The following SLF1 variants were observed in gnomAD, a reference collection of about 807,000 sequenced individuals.
The protein encoded by SLF1 is SMC5-SMC6 complex localization factor protein 1.
Under a neutral mutation model 123.0 loss-of-function variants are expected in SLF1, and 105 were observed. The observed-to-expected ratio is 0.85, with a 90% CI of 0.73 to 1.00. The LOEUF (loss-of-function observed/expected upper bound fraction) is 1.00, where lower values mean the gene tolerates loss of function less well. SLF1 is among the 50% of genes least tolerant of loss of function. The pLI is 0.00. For missense variants in SLF1, 1,239 were observed against 1,223.0 expected (o/e 1.01, Z -0.20); for synonymous variants, 434 against 406.6 (o/e 1.07, Z -0.81).
At chr5:94,625,944 G>A (rs1408635024) in intron 1 of SLF1, among the ~76,000 whole-genome samples, 2 of 151,974 alleles carry the variant, frequency 1.3e-5, no homozygotes, top group Non-Finnish European at 2.9e-5. Context: ...ATTAACCCAT[G>A]TAAATGGTTT....
intron 1 of SLF1, among the ~76,000 whole-genome samples, chr5:94,622,129 T>G (rs1791855403): frequency 6.6e-6 from 1 of 152,260 alleles, no homozygotes. Flanking sequence ...TGTGTCTACC[T>G]TTTGCAATAT....
chr5:94,684,738 G>T (rs1752221016), intron 15 of SLF1, among the ~76,000 whole-genome samples: 2 of 149,602 alleles, frequency 1.3e-5, no homozygotes, highest in Admixed American at 6.6e-5. Context: ...CTCTGTAGAG[G>T]CCATATTGGA....
intron 5 of SLF1, among the ~76,000 whole-genome samples, chr5:94,646,677 T>C (rs763782913): frequency 1.6e-4 from 24 of 152,120 alleles, no homozygotes; most frequent in Admixed American, 2.0e-4. Flanking sequence ...AGCAGTCTTA[T>C]GGGAATATAT....
chr5:94,642,714 G>T (rs1746580581), intron 4 of SLF1, among the ~76,000 whole-genome samples: 1 of 152,122 alleles, frequency 6.6e-6, no homozygotes, highest in South Asian at 2.1e-4. Context: ...TGTCTCCCTT[G>T]TGTGTGTCTT....
At chr5:94,693,748 T>C (rs1753281400) in intron 20 of SLF1, among the ~76,000 whole-genome samples, 1 of 151,626 alleles carries the variant, frequency 6.6e-6, no homozygotes, top group South Asian at 2.1e-4. Context: ...GTGTCCGTAA[T>C]TTTGTCTTTT....
At chr5:94,687,509 C>G (rs980788181) in intron 16 of SLF1, among the ~76,000 whole-genome samples, 4 of 152,000 alleles carry the variant, frequency 2.6e-5, no homozygotes, top group Admixed American at 6.6e-5. Flanking sequence ...CCAGCCTGGG[C>G]AACATAGCAA....
chr5:94,670,206 A>C lies in SLF1; in HGVS notation c.1588A>C (p.Lys530Gln). ...CHQISENIGS[K>Q]VLHLTLLKFF... is the part of the protein sequence containing the mutation. ...TCAAATTTCAGAAAATATTGGCTCC[A>C]AGGTGCTCCACCTGACGCTACTCAA... Residue 530 changes from lysine to glutamine, a missense_variant, in exon 13 of 21, where the codon AAG becomes CAG. Lys to Gln is a moderately conservative substitution (Grantham distance 53). Transcript: ENST00000265140. 6.5e-7 allele frequency: 1 copy of C among 1,535,132 alleles called. No homozygotes were observed. Among genetic ancestry groups the C allele is most frequent in the Non-Finnish European group, 8.8e-7 (1 of 1,141,184 alleles).
At chr5:94,680,791 G>T (rs1349508955) in intron 15 of SLF1, among the ~76,000 whole-genome samples, 2 of 152,252 alleles carry the variant, frequency 1.3e-5, no homozygotes, top group East Asian at 3.9e-4. Flanking sequence ...TCGCTTTAAA[G>T]CAGGACATTG....
At chr5:94,667,210 AAG>A (rs1176055871) in intron 12 of SLF1, among the ~76,000 whole-genome samples, 1 of 152,144 alleles carries the variant, frequency 6.6e-6, no homozygotes, top group Non-Finnish European at 1.5e-5. Flanking sequence ...AGGGATTAAA[AAG>A]ATGATTTAAA....
At chr5:94,675,122 C>T (rs531876919) in intron 14 of SLF1, among the ~76,000 whole-genome samples, 54 of 152,266 alleles carry the variant, frequency 3.5e-4, no homozygotes, top group African/African-American at 1.2e-3. Context: ...AGTGGGATAT[C>T]ATGGAAATCC....
intron 15 of SLF1, among the ~76,000 whole-genome samples, chr5:94,682,846 C>T (rs1035968046): frequency 3.3e-5 from 5 of 152,292 alleles, no homozygotes; most frequent in South Asian, 2.1e-4. Context: ...TAACAAAATT[C>T]GTTCAATGTT....
In SLF1 at chr5:94,654,627, C is replaced by T. The variant is rs1339862409; in HGVS notation, c.1033-3C>T. 1 of 1,530,700 alleles carries T rather than the reference C, an allele frequency of 6.5e-7. No homozygotes were observed. Among genetic ancestry groups the T allele is most frequent in the Non-Finnish European group, 8.8e-7 (1 of 1,136,754 alleles). The allele number at this position is 1,530,700 out of a possible 1,614,324, so 94.8% of individuals were successfully genotyped here. ...TAAAGTCATTTTACTTTGCTATATGCAGAAAGAAATGAAGAATTCTATTTT... is the reference window on the plus strand; with the variant it reads ...TAAAGTCATTTTACTTTGCTATATGTAGAAAGAAATGAAGAATTCTATTTT... On this transcript the variant is annotated splice_polypyrimidine_tract_variant and splice_region_variant and intron_variant, in intron 8 of 20. Transcript: ENST00000265140.
intron 16 of SLF1, among the ~76,000 whole-genome samples, chr5:94,687,867 A>G (rs1477800193): frequency 6.6e-6 from 1 of 152,068 alleles, no homozygotes. Flanking sequence ...AAAATTCTAA[A>G]TGGTATTTAA....
intron 8 of SLF1, among the ~76,000 whole-genome samples, chr5:94,654,074 G>A (rs1229816366): frequency 6.6e-6 from 1 of 152,136 alleles, no homozygotes; most frequent in Admixed American, 6.5e-5. Flanking sequence ...GGAGGCTGAA[G>A]TGGGAGGATT....
intron 5 of SLF1, among the ~76,000 whole-genome samples, chr5:94,648,884 A>G (rs1300303979): frequency 1.3e-5 from 2 of 152,236 alleles, no homozygotes; most frequent in African/African-American, 2.4e-5. Context: ...TATGTATGCA[A>G]TGAATTTTAA....
At chr5:94,624,004 T>TG (rs1378797228) in intron 1 of SLF1, among the ~76,000 whole-genome samples, 1 of 152,186 alleles carries the variant, frequency 6.6e-6, no homozygotes, top group Non-Finnish European at 1.5e-5. Flanking sequence ...TATAAACTGT[T>TG]GTTTCAAGTA....
chr5:94,660,446 C>T (rs1459798877), intron 9 of SLF1, among the ~76,000 whole-genome samples: 1 of 152,182 alleles, frequency 6.6e-6, no homozygotes, highest in East Asian at 1.9e-4. Flanking sequence ...GATACCCATT[C>T]TCCCTGGCAG....
At chr5:94,671,820 C>T (rs1750498679) in intron 14 of SLF1, among the ~76,000 whole-genome samples, 1 of 151,094 alleles carries the variant, frequency 6.6e-6, no homozygotes, top group Non-Finnish European at 1.5e-5. Flanking sequence ...AAAGTATTTT[C>T]TATTGTTAAT....
chr5:94,689,094 A>G (rs1752774511), intron 17 of SLF1, among the ~76,000 whole-genome samples: 1 of 152,228 alleles, frequency 6.6e-6, no homozygotes, highest in African/African-American at 2.4e-5. Context: ...GAAAGCCTGA[A>G]AGCTTCTGTG....
Sources: gnomAD v4.1 joint callset for allele counts (sites outside exome capture counted in the v4.1 genomes callset) on GRCh38, gnomAD v4.1.1 for gene constraint, MANE v1.5 for transcripts, NCBI Gene and HGNC (gene_info 2026-07-23, HGNC 2026-07-21) for gene names.